The following PUS10 variants were observed in gnomAD, a reference collection of about 807,000 sequenced individuals.
PUS10 encodes pseudouridine synthase 10.
A neutral mutation model predicts 75.0 loss-of-function variants in PUS10; 59 were observed. That is an observed-to-expected ratio of 0.79 (90% CI 0.64 to 0.98). The LOEUF (loss-of-function observed/expected upper bound fraction) is 0.98. Among genes scored for constraint, PUS10 ranks in the 50% least tolerant of loss-of-function variants. The pLI is 0.00. For missense variants in PUS10, 650 were observed against 614.4 expected, an observed-to-expected ratio of 1.06 and a Z score of -0.61; for synonymous variants, 219 against 211.6, an observed-to-expected ratio of 1.03 and a Z score of -0.30.
chr2:60,957,900 C>T (rs191005166), intron 11 of PUS10, among the ~76,000 whole-genome samples: 205 of 152,386 alleles, frequency 1.3e-3, no homozygotes, highest in African/African-American at 4.7e-3. Flanking sequence ...CACAACCCCA[C>T]ACATTATGTA....
At chr2:60,943,161 C>A (rs1282716782) in intron 17 of PUS10, among the ~76,000 whole-genome samples, 1 of 151,990 alleles carries the variant, frequency 6.6e-6, no homozygotes, top group Non-Finnish European at 1.5e-5. Context: ...TCTCATCTTG[C>A]ATTTAACAAA....
intron 3 of PUS10, 149 bp downstream of exon 3, chr2:61,008,612 A>G (rs1679393187): frequency 1.6e-6 from 1 of 626,162 alleles, no homozygotes; most frequent in Non-Finnish European, 2.6e-6. Context: ...GTCAGCTGTG[A>G]TTGTACCACT....
chr2:60,981,148 C>T (rs1286046140), intron 4 of PUS10, among the ~76,000 whole-genome samples: 2 of 152,040 alleles, frequency 1.3e-5, no homozygotes, highest in Non-Finnish European at 2.9e-5. Context: ...CTGCCTTGGC[C>T]TCGCAAAGTG....
intron 9 of PUS10, 75 bp downstream of exon 9, chr2:60,962,750 AT>A: frequency 6.6e-7 from 1 of 1,509,538 alleles, no homozygotes; most frequent in Non-Finnish European, 8.9e-7. Flanking sequence ...TGTTTCAGAG[AT>A]AATCCAGCTT....
At chr2:60,980,273 C>T (rs1284084047) in intron 4 of PUS10, among the ~76,000 whole-genome samples, 2 of 152,192 alleles carry the variant, frequency 1.3e-5, no homozygotes, top group African/African-American at 4.8e-5. Flanking sequence ...CCGGGTGTGG[C>T]TGAGAAGTGC....
chr2:61,017,936 G>A (rs1680122565), intron 1 of PUS10, 72 bp downstream of exon 1: 2 of 1,414,290 alleles, frequency 1.4e-6, no homozygotes, highest in South Asian at 1.3e-5. Context: ...TGTTAGTGGA[G>A]GTATTCCCTT....
At chr2:60,948,588 T>A (rs1007566949) in intron 15 of PUS10, among the ~76,000 whole-genome samples, 2 of 152,104 alleles carry the variant, frequency 1.3e-5, no homozygotes, top group Non-Finnish European at 2.9e-5. Flanking sequence ...TTTTGGTTTT[T>A]TTTTGGTGAA....
chr2:60,942,285 T>C lies in PUS10; in HGVS notation c.*110A>G. On this transcript the variant is annotated 3_prime_UTR_variant, in exon 18 of 18. Transcript: ENST00000316752. ...ATTATATAGATCAACATGATCCAAA[T>C]AGTTTTCAAGACACCGTTATGGTGG... 1.2e-6 allele frequency: 1 copy of C among 835,568 alleles called. No homozygotes were observed. Among genetic ancestry groups the C allele is most frequent in the Non-Finnish European group, 2.1e-6 (1 of 478,206 alleles). The allele number at this position is 835,568 out of a possible 1,614,324, so 51.8% of individuals were successfully genotyped here. A position where few individuals can be genotyped will look rare whatever the true frequency, so the allele number is the denominator to read the frequency against.
At chr2:60,971,846 C>CTT (rs1272013796) in intron 4 of PUS10, among the ~76,000 whole-genome samples, 52 of 128,898 alleles carry the variant, frequency 4.0e-4, no homozygotes, top group African/African-American at 1.4e-3. Context: ...ATGAGTGTTT[C>CTT]TTTTTCTTTC....
At chr2:60,951,792 T>C (rs1397015685) in intron 15 of PUS10, among the ~76,000 whole-genome samples, 1 of 152,230 alleles carries the variant, frequency 6.6e-6, no homozygotes, top group Admixed American at 6.5e-5. Context: ...TATCATCCTC[T>C]ATAGAGTCTA....
chr2:61,009,820 T>A (rs1437719040), intron 2 of PUS10: 1 of 152,316 alleles, frequency 6.6e-6, no homozygotes, highest in Non-Finnish European at 1.5e-5. Flanking sequence ...ATTTACTGAC[T>A]GTAAAGGGAA....
At chr2:61,003,331 A>G (rs1257474852) in intron 4 of PUS10, among the ~76,000 whole-genome samples, 2 of 151,994 alleles carry the variant, frequency 1.3e-5, no homozygotes, top group East Asian at 3.9e-4. Context: ...GTGTGGTGGC[A>G]TATGCCTGTA....
intron 17 of PUS10, chr2:60,944,307 G>C: frequency 2.8e-6 from 2 of 727,106 alleles, no homozygotes; most frequent in South Asian, 6.2e-5. Flanking sequence ...TAATACTCCA[G>C]TGATCATTTG....
chr2:60,977,547 C>G (rs1344399531), intron 4 of PUS10, among the ~76,000 whole-genome samples: 1 of 152,194 alleles, frequency 6.6e-6, no homozygotes, highest in African/African-American at 2.4e-5. Flanking sequence ...ATATAACCAT[C>G]ATTTTTGTAC....
intron 6 of PUS10, chr2:60,966,103 T>C (rs1299012098): frequency 5.9e-5 from 9 of 152,232 alleles, no homozygotes; most frequent in Non-Finnish European, 1.3e-4. Flanking sequence ...TAAATGTATA[T>C]GTATTATTTT....
intron 4 of PUS10, among the ~76,000 whole-genome samples, chr2:60,981,445 G>C (rs992970554): frequency 6.6e-6 from 1 of 151,226 alleles, no homozygotes; most frequent in African/African-American, 2.4e-5. Context: ...ACCACATCTA[G>C]CTAATTTTTG....
intron 1 of PUS10, 106 bp downstream of exon 1, chr2:61,017,902 T>C (rs373867417): frequency 6.6e-7 from 1 of 1,518,580 alleles, no homozygotes. Context: ...GAGCGGGGAC[T>C]TGGCAGGAGG....
intron 4 of PUS10, among the ~76,000 whole-genome samples, chr2:60,981,442 C>A (rs1439432543): frequency 6.6e-6 from 1 of 151,652 alleles, no homozygotes; most frequent in African/African-American, 2.4e-5. Context: ...GCCACCACAT[C>A]TAGCTAATTT....
intron 6 of PUS10, chr2:60,965,769 A>T (rs1037784165): frequency 3.6e-5 from 8 of 224,274 alleles, no homozygotes; most frequent in Non-Finnish European, 6.9e-5. Context: ...AGGTATAAAG[A>T]TGAATGAGAA....
Sources: gnomAD v4.1 joint callset for allele counts (sites outside exome capture counted in the v4.1 genomes callset) on GRCh38, gnomAD v4.1.1 for gene constraint, MANE v1.5 for transcripts, NCBI Gene and HGNC (gene_info 2026-07-23, HGNC 2026-07-21) for gene names.